Variants in HDAC9 observed in about 807,000 individuals in gnomAD.
HDAC9 encodes the protein histone deacetylase 9.
In HDAC9, 41 loss-of-function variants were observed where a neutral mutation model predicts 139.4. The observed-to-expected ratio is 0.29, with a 90% CI of 0.23 to 0.38. The LOEUF is 0.38. HDAC9 is among the 10% of genes least tolerant of loss of function. The pLI is 1.00. For synonymous variants in HDAC9, 517 were observed against 476.2 expected (o/e 1.09, Z -1.12); for missense variants, 1,147 against 1,297.0 (o/e 0.88, Z 1.78).
At chr7:18,453,821 C>A (rs556539620) in intron 1 of HDAC9, among the ~76,000 whole-genome samples, 17 of 152,054 alleles carry the variant, frequency 1.1e-4, no homozygotes, top group Non-Finnish European at 2.4e-4. Flanking sequence ...TGATCTAAAT[C>A]AAACAGTACA....
At chr7:18,373,237 G>A (rs1322626353) in intron 1 of HDAC9, among the ~76,000 whole-genome samples, 1 of 152,088 alleles carries the variant, frequency 6.6e-6, no homozygotes, top group Non-Finnish European at 1.5e-5. Context: ...GAGCACTAAC[G>A]AGTAAGAAAA....
At chr7:18,424,771 C>G (rs1047478833) in intron 1 of HDAC9, among the ~76,000 whole-genome samples, 2 of 151,974 alleles carry the variant, frequency 1.3e-5, no homozygotes, top group African/African-American at 4.8e-5. Context: ...ATCAGCTGGG[C>G]GTGATGGCAC....
chr7:18,904,342 A>T (rs181531658), intron 22 of HDAC9, among the ~76,000 whole-genome samples: 1 of 152,300 alleles, frequency 6.6e-6, no homozygotes, highest in East Asian at 1.9e-4. Context: ...CAGATTATCT[A>T]TGATGATCAG....
upstream of HDAC9, among the ~76,000 whole-genome samples, chr7:18,285,518 G>A (rs941010848): frequency 1.3e-5 from 2 of 151,886 alleles, no homozygotes; most frequent in African/African-American, 4.8e-5. Context: ...GAGTGTGAAC[G>A]TTTTAAAAGA....
intron 2 of HDAC9, among the ~76,000 whole-genome samples, chr7:18,196,688 T>TA (rs1790752359): frequency 6.6e-6 from 1 of 151,968 alleles, no homozygotes; most frequent in Admixed American, 6.6e-5. Flanking sequence ...GATGGTAAGA[T>TA]AAAAAACATT....
At chr7:18,116,663 A>T (rs563558209) in intron 1 of HDAC9, among the ~76,000 whole-genome samples, 1 of 152,128 alleles carries the variant, frequency 6.6e-6, no homozygotes, top group Non-Finnish European at 1.5e-5. Flanking sequence ...TTAACAAATA[A>T]TAGAGTTGAT....
At chr7:18,955,473 A>T (rs558428697) in intron 24 of HDAC9, among the ~76,000 whole-genome samples, 1 of 152,278 alleles carries the variant, frequency 6.6e-6, no homozygotes, top group East Asian at 1.9e-4. Flanking sequence ...ACATATTATT[A>T]TCTTTTTCTG....
intron 22 of HDAC9, among the ~76,000 whole-genome samples, chr7:18,908,212 C>T (rs1802437813): frequency 6.6e-6 from 1 of 151,886 alleles, no homozygotes; most frequent in African/African-American, 2.4e-5. Context: ...GTATTCAGAG[C>T]TTAATTTTTT....
At chr7:18,875,813 C>G (rs1029994100) in intron 22 of HDAC9, among the ~76,000 whole-genome samples, 2 of 152,088 alleles carry the variant, frequency 1.3e-5, no homozygotes, top group African/African-American at 4.8e-5. Context: ...GCAGATAAAC[C>G]TCACTTGTGG....
chr7:18,213,583 A>T (rs1400815872), intron 2 of HDAC9, among the ~76,000 whole-genome samples: 1 of 152,134 alleles, frequency 6.6e-6, no homozygotes, highest in Non-Finnish European at 1.5e-5. Flanking sequence ...GAGGACTGCA[A>T]ACGTAGTCAC....
chr7:18,200,775 T>A (rs1791061491), intron 2 of HDAC9, among the ~76,000 whole-genome samples: 1 of 152,312 alleles, frequency 6.6e-6, no homozygotes, highest in East Asian at 1.9e-4. Flanking sequence ...CAGAGGTCAA[T>A]GTCCTATTTT....
intron 23 of HDAC9, among the ~76,000 whole-genome samples, chr7:18,938,582 C>T (rs117272600): frequency 0.18 from 27,810 of 151,728 alleles, 2,725 homozygotes; most frequent in South Asian, 0.26. Context: ...GCGACAGAGG[C>T]GAGACTCCGT....
intron 2 of HDAC9, among the ~76,000 whole-genome samples, chr7:18,265,565 C>T (rs1329230188): frequency 2.6e-5 from 4 of 151,832 alleles, no homozygotes; most frequent in East Asian, 3.9e-4. Context: ...CAGTAGATTC[C>T]TATAAATGAC....
At chr7:18,902,568 A>G (rs1215902810) in intron 22 of HDAC9, among the ~76,000 whole-genome samples, 1 of 152,208 alleles carries the variant, frequency 6.6e-6, no homozygotes, top group Non-Finnish European at 1.5e-5. Flanking sequence ...AACCCCCTCT[A>G]ACAATATTTT....
intron 2 of HDAC9, among the ~76,000 whole-genome samples, chr7:18,201,316 A>G (rs559993515): frequency 6.6e-6 from 1 of 152,238 alleles, no homozygotes; most frequent in African/African-American, 2.4e-5. Context: ...GGTGTTATTT[A>G]TGATACCATT....
At position 18,111,696 on chromosome 7, in the gene HDAC9, T is replaced by TA. The variant is rs548867777; in HGVS notation, c.-97+24489dup. Among the ~76,000 whole-genome samples, 17 of 152,342 alleles carry TA rather than the reference T, an allele frequency of 1.1e-4. No individual in the cohort carries two copies. The East Asian group carries it at 3.3e-3, about 29-fold the overall frequency. Reference sequence around the variant, plus strand: ...TTGTTATTGCTTATTTATTTATTTTTAAAAAATATTTTGCATTTGCAATTG... The same window carrying TA: ...TTGTTATTGCTTATTTATTTATTTTTAAAAAAATATTTTGCATTTGCAATTG... On this transcript the variant is annotated intron_variant, in intron 1 of 12. Coordinates refer to the HDAC9 transcript ENST00000417496.
chr7:18,869,688 G>A (rs1018998241), intron 21 of HDAC9, among the ~76,000 whole-genome samples: 1 of 152,122 alleles, frequency 6.6e-6, no homozygotes, highest in South Asian at 2.1e-4. Flanking sequence ...ACTGCTTGGC[G>A]TGTGGAGAAA....
At chr7:18,946,928 A>G (rs1370656783) in intron 23 of HDAC9, among the ~76,000 whole-genome samples, 3 of 152,086 alleles carry the variant, frequency 2.0e-5, no homozygotes, top group African/African-American at 4.8e-5. Context: ...GCAAGTTTCA[A>G]TAAATTTGAA....
At chr7:18,357,359 G>A (rs1277113310) in intron 1 of HDAC9, among the ~76,000 whole-genome samples, 3 of 152,108 alleles carry the variant, frequency 2.0e-5, no homozygotes, top group African/African-American at 7.2e-5. Flanking sequence ...CAGTTAAATT[G>A]ACTTTTTCTT....
Sources: gnomAD v4.1 joint callset for allele counts (sites outside exome capture counted in the v4.1 genomes callset) on GRCh38, gnomAD v4.1.1 for gene constraint, MANE v1.5 for transcripts, NCBI Gene and HGNC (gene_info 2026-07-23, HGNC 2026-07-21) for gene names.